Variants in ZYG11A observed in about 807,000 individuals in gnomAD.
ZYG11A encodes the protein zyg-11 family member A, cell cycle regulator.
A neutral mutation model predicts 77.2 loss-of-function variants in ZYG11A; 62 were observed. That is an observed-to-expected ratio of 0.80 (90% CI 0.65 to 0.99). The LOEUF (loss-of-function observed/expected upper bound fraction) is 0.99. Among genes scored for constraint, ZYG11A ranks in the 50% least tolerant of loss-of-function variants. The probability of loss-of-function intolerance (pLI) is 0.00; values close to 1 mark genes in which losing one functional copy is unlikely to be tolerated. For synonymous variants in ZYG11A, 315 were observed against 324.6 expected, an observed-to-expected ratio of 0.97 and a Z score of 0.32; for missense variants, 828 against 896.8, an observed-to-expected ratio of 0.92 and a Z score of 0.98.
chr1:52,869,843 T>A (rs1358877709), intron 8 of ZYG11A, among the ~76,000 whole-genome samples: 1 of 150,190 alleles, frequency 6.7e-6, no homozygotes, highest in Non-Finnish European at 1.5e-5. Context: ...GCCCCTCACC[T>A]CCCGGACGGG....
Position 52,877,599 on chromosome 1 carries a change from T to C in ZYG11A, c.1543-83T>C, listed in dbSNP as rs1646283819. 1.6e-5 allele frequency: 19 copies of C among 1,219,214 alleles called. No homozygotes were observed. In the South Asian group the frequency reaches 3.0e-4, roughly 19 times the overall value. The allele number at this position is 1,219,214 out of a possible 1,614,324, so 75.5% of individuals were successfully genotyped here. On this transcript the variant is annotated intron_variant, in intron 8 of 13. Coordinates refer to ENST00000371528, the MANE Select transcript of ZYG11A (RefSeq NM_001004339.3). ...ACTTGGGTTTAGAACCGAGGTTTGA[T>C]GCGTCTTAACATTGCTTTCCTTATA...
Position 52,842,763 on chromosome 1 carries a change from A to AGC in ZYG11A, c.-120_-119dup. ...AAGCTCGCCGGCAGGGCGCGGCGCT[A>AGC]GCTCCGTGTGCCTCGCAGGCGTGGT... On this transcript the variant is annotated 5_prime_UTR_variant, in exon 1 of 14. Transcript: ENST00000371528. The AGC allele has an allele frequency of 1.1e-6, 1 of 935,680 alleles. No individual in the cohort carries two copies. The highest frequency in any genetic ancestry group is 1.6e-6 in the Non-Finnish European group (1 of 633,030). 58.0% of individuals were successfully genotyped at this position (935,680 alleles called of 1,614,324 possible).
rs1208672555 is a variant in ZYG11A, at chr1:52,885,907, TG to T, written c.2006+14del. On this transcript the variant is annotated intron_variant, in intron 12 of 13. Coordinates refer to ENST00000371528, the MANE Select transcript of ZYG11A (RefSeq NM_001004339.3). ...TGGTGACCTATAGGTAATTTCATGGTGTTGTGCTTTTCTTCTTTTTTTTTTC... is the reference window on the plus strand; with the variant it reads ...TGGTGACCTATAGGTAATTTCATGGTTTGTGCTTTTCTTCTTTTTTTTTTC... 4.0e-6 allele frequency: 6 copies of T among 1,513,148 alleles called. No homozygotes were observed. In the Admixed American group the frequency reaches 7.4e-5, roughly 19 times the overall value. 93.7% of individuals were successfully genotyped at this position (1,513,148 alleles called of 1,614,324 possible). A position where few individuals can be genotyped will look rare whatever the true frequency, so the allele number is the denominator to read the frequency against.
chr1:52,881,506 G>A lies in ZYG11A; in HGVS notation c.1785G>A (p.Lys595=). The A allele has an allele frequency of 6.4e-7, 1 of 1,551,562 alleles. No homozygotes were observed. Among genetic ancestry groups the A allele is most frequent in the Admixed American group, 2.0e-5 (1 of 50,964 alleles). The change falls in exon 11 of 14, where the codon AAG becomes AAA. Residue 595 remains lysine (K), a synonymous_variant. Coordinates refer to ENST00000371528, the MANE Select transcript of ZYG11A (RefSeq NM_001004339.3). ...CAGAAGTCAGAGAGCTCTCTTCCAA[G>A]CTGGTGACCGAAGATGTGCTGAAGC... is the stretch of plus-strand genomic sequence containing the variant. ...NIAEVRELSS[K]LVTEDVLKHI...
At chr1:52,850,190 T>C (rs1469793727) in intron 1 of ZYG11A, among the ~76,000 whole-genome samples, 1 of 151,374 alleles carries the variant, frequency 6.6e-6, no homozygotes, top group East Asian at 2.0e-4. Flanking sequence ...GAGACATAGT[T>C]GCCAGGCTGG....
intron 1 of ZYG11A, among the ~76,000 whole-genome samples, chr1:52,851,043 AT>A (rs985490656): frequency 8.7e-5 from 13 of 149,110 alleles, no homozygotes; most frequent in East Asian, 2.0e-4. Context: ...GAGACTTAAA[AT>A]TTTTTTTTTT....
At chr1:52,884,612 C>G (rs752239686) in intron 11 of ZYG11A, among the ~76,000 whole-genome samples, 7 of 152,110 alleles carry the variant, frequency 4.6e-5, no homozygotes, top group Non-Finnish European at 8.8e-5. Flanking sequence ...CGAGATCGTG[C>G]CATCGCACTC....
intron 11 of ZYG11A, 92 bp from the exon 12 acceptor site, chr1:52,885,740 TA>T: frequency 1.1e-6 from 1 of 920,232 alleles, no homozygotes; most frequent in Admixed American, 2.8e-5. Context: ...TAGATGTATC[TA>T]AATTTGTTCA....
rs34851064 is a variant in ZYG11A, at chr1:52,845,307, C to CTT, written c.90+2349_90+2350dup. 1.9e-3 allele frequency among the ~76,000 whole-genome samples: 254 copies of CTT among 130,792 alleles called. 3 individuals carry two copies. The highest frequency in any genetic ancestry group is 2.5e-3 in the African/African-American group (89 of 35,176). 85.8% of individuals were successfully genotyped at this position (130,792 alleles called of 152,430 possible). On this transcript the variant is annotated intron_variant, in intron 1 of 13. Coordinates refer to ENST00000371528, the MANE Select transcript of ZYG11A (RefSeq NM_001004339.3). Reference sequence around the variant, plus strand: ...TTTGTATGTAGCCTAATGGTCTGTGCTTTTTTTTTTTTTTTTGAGACGGAG... The same window carrying CTT: ...TTTGTATGTAGCCTAATGGTCTGTGCTTTTTTTTTTTTTTTTTTGAGACGGAG...
At chr1:52,885,543 TCAGTTAC>T (rs1019696307) in intron 11 of ZYG11A, among the ~76,000 whole-genome samples, 4 of 152,132 alleles carry the variant, frequency 2.6e-5, no homozygotes, top group Non-Finnish European at 5.9e-5. Flanking sequence ...AGGTATTAAA[TCAGTTAC>T]CATTTTTCCA....
intron 8 of ZYG11A, among the ~76,000 whole-genome samples, chr1:52,868,566 G>A (rs1020810384): frequency 1.3e-5 from 2 of 152,054 alleles, no homozygotes; most frequent in African/African-American, 4.8e-5. Context: ...TGGATCACGA[G>A]GTCAGGAGAT....
intron 7 of ZYG11A, 38 bp downstream of exon 7, chr1:52,867,676 A>G: frequency 6.5e-7 from 1 of 1,549,938 alleles, no homozygotes; most frequent in Non-Finnish European, 8.7e-7. Context: ...CTATCTCTCT[A>G]GTTTTTATAC....
At chr1:52,845,417 C>T (rs900192511) in intron 1 of ZYG11A, among the ~76,000 whole-genome samples, 3 of 150,772 alleles carry the variant, frequency 2.0e-5, no homozygotes, top group Non-Finnish European at 4.4e-5. Context: ...GCGATTCTCT[C>T]GCCTCAGCCT....
Position 52,857,265 on chromosome 1 carries a change from T to C in ZYG11A, c.524T>C (p.Leu175Pro), listed in dbSNP as rs1645830743. Reference sequence around the variant, plus strand: ...AGCATCCCTCAAAATTCAAGATTACTGTTCTTTAGTCAGCTCACTGGTCTT... The same window carrying C: ...AGCATCCCTCAAAATTCAAGATTACCGTTCTTTAGTCAGCTCACTGGTCTT... ...STSIPQNSRL[L>P]FFSQLTGLRI... The change falls in exon 3 of 14, where the codon CTG (leucine) becomes CCG (proline). Residue 175 changes from leucine to proline, a missense_variant. Transcript: ENST00000371528. 6.4e-7 allele frequency: 1 copy of C among 1,552,088 alleles called. No individual in the cohort carries two copies. The highest frequency in any genetic ancestry group is 1.2e-5 in the South Asian group (1 of 84,062).
At chr1:52,878,102 C>T in intron 10 of ZYG11A, 133 bp downstream of exon 10, 1 of 745,532 alleles carries the variant, frequency 1.3e-6, no homozygotes, top group Non-Finnish European at 2.2e-6. Context: ...TACATTAGCC[C>T]TACAGAGTAA....
chr1:52,844,159 C>T (rs1217017685), intron 1 of ZYG11A, among the ~76,000 whole-genome samples: 1 of 152,170 alleles, frequency 6.6e-6, no homozygotes, highest in Non-Finnish European at 1.5e-5. Flanking sequence ...AAAAACCCGC[C>T]AAGGGCCACC....
At chr1:52,855,478 C>A (rs1030956444) in intron 2 of ZYG11A, among the ~76,000 whole-genome samples, 3 of 151,898 alleles carry the variant, frequency 2.0e-5, no homozygotes. Flanking sequence ...GCGTGAGGCA[C>A]CGTGCCTGGC....
intron 13 of ZYG11A, among the ~76,000 whole-genome samples, chr1:52,890,939 C>T (rs147073669): frequency 1.3e-5 from 2 of 151,862 alleles, no homozygotes; most frequent in East Asian, 3.9e-4. Flanking sequence ...GCTCTTGTTG[C>T]CTAGGCTGGA....
intron 8 of ZYG11A, among the ~76,000 whole-genome samples, chr1:52,870,880 G>C (rs1015521125): frequency 6.6e-5 from 10 of 151,092 alleles, no homozygotes; most frequent in Non-Finnish European, 1.3e-4. Flanking sequence ...ACCGTGGGGA[G>C]GGGGAGGGGG....
Sources: allele counts gnomAD v4.1 joint callset (sites outside exome capture counted in the v4.1 genomes callset), GRCh38; gene constraint gnomAD v4.1.1; transcripts MANE v1.5; gene names NCBI Gene and HGNC (gene_info 2026-07-23, HGNC 2026-07-21).